ATP13A3: variants seen among roughly 807,000 people sequenced by gnomAD.
The protein encoded by ATP13A3 is ATPase 13A3, also known as polyamine-transporting ATPase 13A3.
Under a neutral mutation model 158.1 loss-of-function variants are expected in ATP13A3, and 59 were observed. The observed-to-expected ratio is 0.37, with a 90% CI of 0.30 to 0.46. The LOEUF is 0.46. ATP13A3 is among the 20% of genes least tolerant of loss of function. ATP13A3 has a pLI of 1.00. For synonymous variants in ATP13A3, 491 were observed against 504.3 expected, an observed-to-expected ratio of 0.97 and a Z score of 0.35; for missense variants, 1,166 against 1,525.2, an observed-to-expected ratio of 0.76 and a Z score of 3.92.
intron 30 of ATP13A3, among the ~76,000 whole-genome samples, chr3:194,422,265 T>G (rs904553712): frequency 2.6e-5 from 4 of 152,236 alleles, no homozygotes; most frequent in African/African-American, 4.8e-5. Context: ...GTATTCACTT[T>G]AGAGAGGTAT....
Position 194,425,549 on chromosome 3 carries a change from T to C in ATP13A3, c.3126-20A>G. ...CAAGCACTAGAACACATGCAAAAAA[T>C]GTCTGCATTAGTAAACATAATACTC... On this transcript the variant is annotated intron_variant, in intron 29 of 33. Coordinates refer to ENST00000645319, the MANE Select transcript of ATP13A3 (RefSeq NM_001367549.1). 1 of 1,583,170 alleles carries C rather than the reference T, an allele frequency of 6.3e-7. No homozygotes were observed. Among genetic ancestry groups the C allele is most frequent in the Non-Finnish European group, 8.6e-7 (1 of 1,165,928 alleles).
intron 33 of ATP13A3, among the ~76,000 whole-genome samples, chr3:194,411,060 T>A (rs1443528537): frequency 8.3e-6 from 1 of 121,114 alleles, no homozygotes; most frequent in African/African-American, 5.4e-5. Flanking sequence ...ATTACACTGC[T>A]TTCAGGAAAA....
At chr3:194,443,950 C>A (rs1369254485) in intron 15 of ATP13A3, among the ~76,000 whole-genome samples, 3 of 151,798 alleles carry the variant, frequency 2.0e-5, no homozygotes, top group Non-Finnish European at 2.9e-5. Context: ...GCTAAATGAC[C>A]CTCCCTCCAA....
chr3:194,472,023 T>G (rs2109023452), intron 2 of ATP13A3: 1 of 152,570 alleles, frequency 6.6e-6, no homozygotes, highest in East Asian at 1.9e-4. Flanking sequence ...GGCTCACTTC[T>G]GCAGGCAACC....
intron 30 of ATP13A3, among the ~76,000 whole-genome samples, chr3:194,423,613 G>C (rs1022355255): frequency 6.6e-6 from 1 of 152,212 alleles, no homozygotes; most frequent in African/African-American, 2.4e-5. Flanking sequence ...AAGTACACAA[G>C]CTGCTGACAG....
chr3:194,428,353 G>A (rs1180883701), intron 28 of ATP13A3, among the ~76,000 whole-genome samples: 1 of 151,988 alleles, frequency 6.6e-6, no homozygotes, highest in Non-Finnish European at 1.5e-5. Context: ...ATCTACTAAA[G>A]ATAAGTGGTT....
chr3:194,441,439 C>T lies in ATP13A3; in HGVS notation c.1582G>A (p.Val528Met). Residue 528 changes from valine (V) to methionine (M), a missense_variant, in exon 16 of 34, where the codon GTG (valine) becomes ATG (methionine). By Grantham distance (21) the Val-to-Met change is conservative. Transcript: ENST00000645319. ...NARFLSPEEN[V>M]CNEMLVKSQF... is the part of the protein sequence containing the mutation. ...GATTTTACCAACATCTCATTGCACA[C>T]ATTTTCTTCTGGTGAAAGAAATCTA... 1 of 1,613,418 alleles carries T rather than the reference C, an allele frequency of 6.2e-7. No individual in the cohort carries two copies. Among genetic ancestry groups the T allele is most frequent in the Non-Finnish European group, 8.5e-7 (1 of 1,179,518 alleles).
At position 194,404,081 on chromosome 3, in the gene ATP13A3, A is replaced by C; in HGVS notation, c.*1838T>G. The C allele has an allele frequency of 6.6e-6, 3 of 451,596 alleles. No homozygotes were observed. Among genetic ancestry groups the C allele is most frequent in the Non-Finnish European group, 1.3e-5 (3 of 225,598 alleles). The allele number at this position is 451,596 out of a possible 1,614,324, so 28.0% of individuals were successfully genotyped here. Reference sequence around the variant, plus strand: ...GCACAATTGTGGAAATCACTGAAGAATAACACGAGCATATTTGAAATTAAT... The same window carrying C: ...GCACAATTGTGGAAATCACTGAAGACTAACACGAGCATATTTGAAATTAAT... On this transcript the variant is annotated 3_prime_UTR_variant, in exon 34 of 34. Coordinates refer to ENST00000645319, the MANE Select transcript of ATP13A3 (RefSeq NM_001367549.1).
intron 33 of ATP13A3, among the ~76,000 whole-genome samples, chr3:194,411,914 C>A (rs1715463365): frequency 6.6e-6 from 1 of 151,980 alleles, no homozygotes; most frequent in Admixed American, 6.5e-5. Context: ...CCTTTGAGGA[C>A]AAGACTTTTA....
At chr3:194,427,017 TATATC>T (rs1716829330) in intron 29 of ATP13A3, 53 bp downstream of exon 29, 2 of 1,533,644 alleles carry the variant, frequency 1.3e-6, no homozygotes, top group Non-Finnish European at 1.8e-6. Flanking sequence ...AACTCATTTT[TATATC>T]ATATATGTTG....
intron 8 of ATP13A3, among the ~76,000 whole-genome samples, chr3:194,454,997 C>A (rs1719120246): frequency 6.6e-6 from 1 of 152,200 alleles, no homozygotes; most frequent in African/African-American, 2.4e-5. Flanking sequence ...AGCCGTTCTG[C>A]AATCTGCTTT....
chr3:194,457,165 A>C lies in ATP13A3; in HGVS notation c.489T>G (p.Asp163Glu). ...AAATTGACGTACAAGAAACACCTTC[A>C]TCCAGTCCCCTAAATAAATCCAAAG... ...IHNFDFLKGL[D>E]EGVSCTSIYE... The change falls in exon 7 of 34, where the codon GAT becomes GAG. Residue 163 changes from aspartate (D) to glutamate (E), a missense_variant. Coordinates refer to ENST00000645319, the MANE Select transcript of ATP13A3 (RefSeq NM_001367549.1). The C allele has an allele frequency of 6.2e-7, 1 of 1,612,864 alleles. No individual in the cohort carries two copies. The highest frequency in any genetic ancestry group is 8.5e-7 in the Non-Finnish European group (1 of 1,179,186).
rs1577066158 is a variant in ATP13A3, at chr3:194,448,133, A to T, written c.1151-124T>A. ...CGCTCTGTCACCCAGGCTGGAGTAC[A>T]GTGGTGTGATCTCGACTCACTGCAA... On this transcript the variant is annotated intron_variant, in intron 12 of 33. Coordinates refer to ENST00000645319, the MANE Select transcript of ATP13A3 (RefSeq NM_001367549.1). This position sits in a 1 kb window ranked among gnomAD's most constrained non-coding sequence, Gnocchi z 4.0. The T allele has an allele frequency of 1.0e-6, 1 of 965,736 alleles. No individual in the cohort carries two copies. Among genetic ancestry groups the T allele is most frequent in the African/African-American group, 1.7e-5 (1 of 59,742 alleles). The allele number at this position is 965,736 out of a possible 1,614,324, so 59.8% of individuals were successfully genotyped here. A position where few individuals can be genotyped will look rare whatever the true frequency, so the allele number is the denominator to read the frequency against.
At position 194,444,947 on chromosome 3, in the gene ATP13A3, C is replaced by T. The variant is rs1718297988; in HGVS notation, c.1498-161G>A. ...AAAAAGAAACAGGCAAGATCCCTGA[C>T]AGAGAATGGCTTCCAGGACATATGG... is the stretch of plus-strand genomic sequence containing the variant. On this transcript the variant is annotated intron_variant, in intron 14 of 33. Transcript: ENST00000645319. Among the ~76,000 whole-genome samples, 3 of 151,998 alleles carry T rather than the reference C, an allele frequency of 2.0e-5. No individual in the cohort carries two copies. The South Asian group carries it at 6.2e-4, about 32-fold the overall frequency.
Position 194,437,327 on chromosome 3 carries a change from G to A in ATP13A3, c.1983C>T (p.Leu661=). ...MKGAPEAIAG[L]CKPETVPVDF... is the part of the protein sequence containing the mutation. ...TTTCCTTACCTGTTTCAGGTTTACAGAGACCGGCAATGGCCTCGGGCGCTC... is the reference window on the plus strand; with the variant it reads ...TTTCCTTACCTGTTTCAGGTTTACAAAGACCGGCAATGGCCTCGGGCGCTC... The change falls in exon 19 of 34, where the codon CTC becomes CTT. Residue 661 remains leucine, a synonymous_variant. Coordinates refer to ENST00000645319, the MANE Select transcript of ATP13A3 (RefSeq NM_001367549.1). 6.2e-7 allele frequency: 1 copy of A among 1,614,212 alleles called. No individual in the cohort carries two copies. Among genetic ancestry groups the A allele is most frequent in the Non-Finnish European group, 8.5e-7 (1 of 1,180,038 alleles).
At chr3:194,472,678 CA>C (rs1720356620) in intron 2 of ATP13A3, among the ~76,000 whole-genome samples, 1 of 152,068 alleles carries the variant, frequency 6.6e-6, no homozygotes, top group African/African-American at 2.4e-5. Context: ...AATCGTTCTA[CA>C]AAAAAGACAC....
chr3:194,421,882 G>C (rs540585495), intron 30 of ATP13A3, among the ~76,000 whole-genome samples: 38 of 140,604 alleles, frequency 2.7e-4, no homozygotes, highest in Non-Finnish European at 5.5e-4. Flanking sequence ...AAATCTGATT[G>C]CATTTTTCAA....
chr3:194,454,626 A>AGTG, intron 8 of ATP13A3, among the ~76,000 whole-genome samples: 1 of 151,554 alleles, frequency 6.6e-6, no homozygotes, highest in Non-Finnish European at 1.5e-5. Flanking sequence ...CAGGAGATCA[A>AGTG]AACATCCTGG....
chr3:194,408,765 C>T (rs762637387), intron 33 of ATP13A3, among the ~76,000 whole-genome samples: 9 of 151,582 alleles, frequency 5.9e-5, no homozygotes, highest in Non-Finnish European at 1.0e-4. Context: ...AAGTACACTA[C>T]ATGCAAGCAT....
Sources: gnomAD v4.1 joint callset for allele counts (sites outside exome capture counted in the v4.1 genomes callset) on GRCh38, gnomAD v4.1.1 for gene constraint, Gnocchi (gnomAD v3.1) non-coding constraint, MANE v1.5 for transcripts, NCBI Gene and HGNC (gene_info 2026-07-23, HGNC 2026-07-21) for gene names.